The following NHSL1 variants were observed in gnomAD, a reference collection of about 807,000 sequenced individuals.
The protein encoded by NHSL1 is NHS-like protein 1.
A neutral mutation model predicts 95.0 loss-of-function variants in NHSL1; 48 were observed. The observed-to-expected ratio is 0.51, with a 90% CI of 0.40 to 0.64. The LOEUF (loss-of-function observed/expected upper bound fraction) is 0.64. NHSL1 is among the 30% of genes least tolerant of loss of function. The pLI, the probability that NHSL1 is intolerant of heterozygous loss-of-function variation, is 0.00. For synonymous variants in NHSL1, 783 were observed against 833.9 expected, an observed-to-expected ratio of 0.94 and a Z score of 1.05; for missense variants, 1,971 against 2,077.7, an observed-to-expected ratio of 0.95 and a Z score of 1.00.
intron 1 of NHSL1, among the ~76,000 whole-genome samples, chr6:138,621,884 C>T (rs1477036177): frequency 6.6e-6 from 1 of 152,220 alleles, no homozygotes; most frequent in Non-Finnish European, 1.5e-5. Context: ...AAGGAGGCAG[C>T]ACTAGGTCCA....
exon 1 of NHSL1, chr6:138,572,410 A>T (rs1783873468): frequency 6.5e-6 from 1 of 153,794 alleles, no homozygotes; most frequent in South Asian, 2.1e-4. Flanking sequence ...GTCAGGGTCA[A>T]GCCAGGCACC....
chr6:138,556,771 A>C (rs1783209720), intron 1 of NHSL1, among the ~76,000 whole-genome samples: 1 of 152,042 alleles, frequency 6.6e-6, no homozygotes, highest in African/African-American at 2.4e-5. Flanking sequence ...TTGGCCAAAA[A>C]TGTTTAGTAG....
At chr6:138,496,893 C>T (rs73573283) in intron 1 of NHSL1, among the ~76,000 whole-genome samples, 9,159 of 152,194 alleles carry the variant, frequency 0.06, 622 homozygotes, top group African/African-American at 0.17. Context: ...AAAAATTAAG[C>T]GTAAACATTC....
chr6:138,447,178 A>G lies in NHSL1; in HGVS notation c.355T>C (p.Ser119Pro). The change falls in exon 4 of 8, where the codon TCA becomes CCA. Residue 119 changes from serine to proline, a missense_variant. Transcript: ENST00000343505. ...ATGGAAATAAATCTTTCTTCTTCTG[A>G]TGAAGACAGAGAACACTGCAGAGAA... ...ETDQKCSLSSSEEERFISIRR... is the reference protein window; with the variant it reads ...ETDQKCSLSSPEEERFISIRR... The G allele has an allele frequency of 6.4e-7, 1 of 1,551,050 alleles. No homozygotes were observed. The highest frequency in any genetic ancestry group is 8.7e-7 in the Non-Finnish European group (1 of 1,146,946).
At chr6:138,640,710 A>G (rs956484606) in intron 1 of NHSL1, among the ~76,000 whole-genome samples, 1 of 152,242 alleles carries the variant, frequency 6.6e-6, no homozygotes, top group Non-Finnish European at 1.5e-5. Flanking sequence ...GAAGGTCATT[A>G]GTAGCTAAGT....
intron 1 of NHSL1, among the ~76,000 whole-genome samples, chr6:138,505,408 C>T (rs531366823): frequency 6.6e-6 from 1 of 152,230 alleles, no homozygotes; most frequent in African/African-American, 2.4e-5. Context: ...GTAATCCCAG[C>T]ACTTTGGGAG....
intron 7 of NHSL1, among the ~76,000 whole-genome samples, chr6:138,428,438 C>T (rs536542364): frequency 1.3e-5 from 2 of 152,210 alleles, no homozygotes; most frequent in African/African-American, 2.4e-5. Flanking sequence ...TTTATCATTT[C>T]TCTGTTTTGA....
intron 1 of NHSL1, among the ~76,000 whole-genome samples, chr6:138,580,698 G>C (rs1052405185): frequency 2.6e-5 from 4 of 152,160 alleles, no homozygotes; most frequent in African/African-American, 4.8e-5. Flanking sequence ...ACAATCGTTT[G>C]GCAAACACAA....
intron 1 of NHSL1, among the ~76,000 whole-genome samples, chr6:138,671,403 T>C (rs754959939): frequency 2.0e-5 from 3 of 148,448 alleles, no homozygotes; most frequent in Non-Finnish European, 4.4e-5. Context: ...TGAGCCAAGA[T>C]CGCGCCACTG....
chr6:138,496,161 T>G, intron 2 of NHSL1, 58 bp downstream of exon 2: 1 of 1,517,376 alleles, frequency 6.6e-7, no homozygotes, highest in Non-Finnish European at 8.9e-7. Flanking sequence ...GATATCAAAT[T>G]TATGCTCTCA....
intron 1 of NHSL1, among the ~76,000 whole-genome samples, chr6:138,648,287 A>G (rs1053991021): frequency 6.6e-6 from 1 of 152,098 alleles, no homozygotes; most frequent in African/African-American, 2.4e-5. Flanking sequence ...AAAAAAATGA[A>G]AACAGCTATA....
At chr6:138,480,851 A>G (rs1779376625) in intron 2 of NHSL1, among the ~76,000 whole-genome samples, 1 of 152,178 alleles carries the variant, frequency 6.6e-6, no homozygotes, top group East Asian at 1.9e-4. Context: ...ACACTTTTTA[A>G]AACTGAAAGC....
rs138276881 is a variant in NHSL1, at chr6:138,432,084, G to C, written c.2261C>G (p.Pro754Arg). Residue 754 changes from proline to arginine, a missense_variant, in exon 6 of 8, where the codon CCC (proline) becomes CGC (arginine). Pro to Arg is a moderately radical substitution (Grantham distance 103). Around this residue, in one of 3 missense-constraint regions of NHSL1, gnomAD observed 1,602 missense variants for 1,654.5 expected, o/e 0.97. Transcript: ENST00000343505. This position sits in a 1 kb window ranked among gnomAD's most constrained non-coding sequence, Gnocchi z 4.4. ...AGSSMTSATT[P>R]NVYSLCGATP... Reference sequence around the variant, plus strand: ...GGCCCCGCACAGGGAGTAGACATTGGGGGTGGTGGCGGAAGTCATGCTGCT... The same window carrying C: ...GGCCCCGCACAGGGAGTAGACATTGCGGGTGGTGGCGGAAGTCATGCTGCT... 1,104 of 1,551,654 alleles carry C rather than the reference G, an allele frequency of 7.1e-4. 14 individuals carry two copies. In the South Asian group the frequency reaches 8.1e-3, roughly 11 times the overall value.
intron 1 of NHSL1, among the ~76,000 whole-genome samples, chr6:138,524,659 A>C (rs1781826720): frequency 6.6e-6 from 1 of 152,074 alleles, no homozygotes; most frequent in Non-Finnish European, 1.5e-5. Flanking sequence ...CATGCATGTC[A>C]TTTGGTAAAC....
chr6:138,432,757 G>A lies in NHSL1; in HGVS notation c.1588C>T (p.Pro530Ser). 1 of 1,551,674 alleles carries A rather than the reference G, an allele frequency of 6.4e-7. No homozygotes were observed. The highest frequency in any genetic ancestry group is 1.2e-5 in the South Asian group (1 of 84,054). Residue 530 changes from proline to serine, a missense_variant, in exon 6 of 8, where the codon CCC becomes TCC. Coordinates refer to ENST00000343505, the MANE Select transcript of NHSL1 (RefSeq NM_001144060.2). This position sits in a 1 kb window ranked among gnomAD's most constrained non-coding sequence, Gnocchi z 4.4. ...TCACTCTTGCCATCCACATCTTGGG[G>A]GTGGGCTGGGAAGGCCAGGTTGTTT... ...CRNNLAFPAH[P>S]QDVDGKSESS...
At chr6:138,522,553 A>G (rs1008718335) in intron 1 of NHSL1, among the ~76,000 whole-genome samples, 9 of 152,220 alleles carry the variant, frequency 5.9e-5, no homozygotes, top group Admixed American at 2.0e-4. Flanking sequence ...AGGCAGGAGA[A>G]TCACTTGAAC....
At chr6:138,524,185 C>T (rs1781806822) in intron 1 of NHSL1, among the ~76,000 whole-genome samples, 1 of 152,182 alleles carries the variant, frequency 6.6e-6, no homozygotes, top group South Asian at 2.1e-4. Flanking sequence ...AAGCAAGCCC[C>T]ACACAGGCTC....
At chr6:138,450,761 A>G (rs144675511) in intron 3 of NHSL1, among the ~76,000 whole-genome samples, 2 of 152,302 alleles carry the variant, frequency 1.3e-5, no homozygotes, top group East Asian at 3.9e-4. Flanking sequence ...TGTGACTGTT[A>G]GGTCTCACAA....
At position 138,561,018 on chromosome 6, in the gene NHSL1, C is replaced by T. The variant is rs73774835; in HGVS notation, c.202+10692G>A. 5.7e-3 allele frequency among the ~76,000 whole-genome samples: 872 copies of T among 152,248 alleles called. 9 individuals carry two copies. Among genetic ancestry groups the T allele is most frequent in the African/African-American group, 0.02 (821 of 41,532 alleles). On this transcript the variant is annotated intron_variant, in intron 1 of 6. Transcript: ENST00000427025. Reference sequence around the variant, plus strand: ...TGCTTGTGGCTTTTATTAATACTTGCGAGTTTTCCTTCGAGAAAGCCAAAC... The same window carrying T: ...TGCTTGTGGCTTTTATTAATACTTGTGAGTTTTCCTTCGAGAAAGCCAAAC...
Sources: allele counts gnomAD v4.1 joint callset (sites outside exome capture counted in the v4.1 genomes callset), GRCh38; gene constraint gnomAD v4.1.1; regional missense constraint gnomAD v4.1.1; non-coding constraint Gnocchi (gnomAD v3.1); transcripts MANE v1.5; gene names NCBI Gene and HGNC (gene_info 2026-07-23, HGNC 2026-07-21).